The following DDX10 variants were observed in gnomAD, a reference collection of about 807,000 sequenced individuals.
DDX10 encodes probable ATP-dependent RNA helicase DDX10.
DDX10 carries 74 observed loss-of-function variants against 104.3 expected under a neutral mutation model. The ratio of observed to expected loss-of-function variants is 0.71; its 90% CI spans 0.59 to 0.86. The LOEUF is 0.86. Among genes scored for constraint, DDX10 ranks in the 40% least tolerant of loss-of-function variants. The pLI, the probability that DDX10 is intolerant of heterozygous loss-of-function variation, is 0.00. For missense variants in DDX10, 952 were observed against 1,040.0 expected (o/e 0.92, Z 1.16); for synonymous variants, 351 against 353.4 (o/e 0.99, Z 0.08).
intron 17 of DDX10, among the ~76,000 whole-genome samples, chr11:108,936,185 A>T (rs1185098279): frequency 1.3e-5 from 2 of 151,866 alleles, no homozygotes; most frequent in East Asian, 3.9e-4. Context: ...TAGCATACCT[A>T]CTCTGTCATC....
intron 16 of DDX10, among the ~76,000 whole-genome samples, chr11:108,856,908 T>G (rs1396633176): frequency 1.3e-5 from 2 of 151,582 alleles, no homozygotes; most frequent in Non-Finnish European, 2.9e-5. Context: ...GGGTTCCATT[T>G]AGTCCTCATC....
At chr11:108,829,691 A>G (rs1862442893) in intron 13 of DDX10, among the ~76,000 whole-genome samples, 1 of 152,168 alleles carries the variant, frequency 6.6e-6, no homozygotes, top group Admixed American at 6.5e-5. Flanking sequence ...TTCCGATGTT[A>G]TCTTCTAGAA....
intron 16 of DDX10, among the ~76,000 whole-genome samples, chr11:108,888,241 TA>T: frequency 6.6e-6 from 1 of 152,284 alleles, no homozygotes; most frequent in Non-Finnish European, 1.5e-5. Flanking sequence ...AATGTCAAAT[TA>T]AATTTGAATA....
chr11:108,893,752 T>C (rs1863405724), intron 16 of DDX10, among the ~76,000 whole-genome samples: 1 of 152,070 alleles, frequency 6.6e-6, no homozygotes, highest in Non-Finnish European at 1.5e-5. Flanking sequence ...GAAATTCTTT[T>C]TGTCAGTCCC....
intron 13 of DDX10, among the ~76,000 whole-genome samples, chr11:108,747,091 G>A (rs1233559713): frequency 6.6e-6 from 1 of 152,100 alleles, no homozygotes; most frequent in Non-Finnish European, 1.5e-5. Context: ...TGTATGTAAA[G>A]GGGTCTGAAC....
chr11:108,851,847 C>G (rs574903088), intron 15 of DDX10, among the ~76,000 whole-genome samples: 21 of 152,094 alleles, frequency 1.4e-4, no homozygotes, highest in Admixed American at 2.6e-4. Context: ...TAGAATGTGT[C>G]TCTTGTATAA....
At chr11:108,929,832 A>G (rs1201123536) in intron 17 of DDX10, 1 of 152,178 alleles carries the variant, frequency 6.6e-6, no homozygotes, top group East Asian at 1.9e-4. Context: ...ACTCTTTTAA[A>G]CTATACATCT....
chr11:108,738,857 A>C (rs761137226), intron 13 of DDX10, among the ~76,000 whole-genome samples: 3 of 152,094 alleles, frequency 2.0e-5, no homozygotes, highest in Admixed American at 2.0e-4. Flanking sequence ...ATGAGCTTGA[A>C]GTTTGCATTG....
chr11:108,933,486 A>G (rs917852340), intron 17 of DDX10, among the ~76,000 whole-genome samples: 13 of 152,216 alleles, frequency 8.5e-5, no homozygotes, highest in African/African-American at 2.7e-4. Context: ...TTTTAAAAGG[A>G]TAATAGTTAG....
At chr11:108,760,890 T>A (rs963483376) in intron 13 of DDX10, among the ~76,000 whole-genome samples, 1 of 152,026 alleles carries the variant, frequency 6.6e-6, no homozygotes, top group African/African-American at 2.4e-5. Flanking sequence ...TTGGCAGGGC[T>A]GTTCACTTAA....
chr11:108,788,034 C>A (rs1389644973), intron 13 of DDX10, among the ~76,000 whole-genome samples: 5 of 152,192 alleles, frequency 3.3e-5, no homozygotes, highest in Non-Finnish European at 1.5e-5. Context: ...TTTCAAGCTT[C>A]TGGATTGTTT....
At position 108,715,933 on chromosome 11, in the gene DDX10, T is replaced by C. The variant is rs752622429; in HGVS notation, c.1377T>C (p.Ala459=). The C allele has an allele frequency of 6.4e-7, 1 of 1,564,910 alleles. No homozygotes were observed. The highest frequency in any genetic ancestry group is 1.1e-5 in the South Asian group (1 of 88,858). Reference sequence around the variant, plus strand: ...AGAAAAAATTGGAATCTATTTTAGCTCAAGATCAAGATTTAAAAGAAAGAG... The same window carrying C: ...AGAAAAAATTGGAATCTATTTTAGCCCAAGATCAAGATTTAAAAGAAAGAG... ...DVQKKLESIL[A]QDQDLKERAQ... The change falls in exon 11 of 18, where the codon GCT becomes GCC. Residue 459 remains alanine (A), a synonymous_variant. Transcript: ENST00000322536.
chr11:108,694,900 A>G (rs977768018), intron 9 of DDX10, among the ~76,000 whole-genome samples: 5 of 152,062 alleles, frequency 3.3e-5, no homozygotes, highest in Non-Finnish European at 7.4e-5. Flanking sequence ...AAAACAAAAC[A>G]AATAAAAAAA....
intron 16 of DDX10, among the ~76,000 whole-genome samples, chr11:108,906,270 A>G (rs1863595636): frequency 6.6e-6 from 1 of 152,164 alleles, no homozygotes; most frequent in Non-Finnish European, 1.5e-5. Context: ...ATAATATTTT[A>G]TATTTTTCTA....
intron 16 of DDX10, among the ~76,000 whole-genome samples, chr11:108,867,594 C>T (rs1300486061): frequency 6.6e-6 from 1 of 152,196 alleles, no homozygotes; most frequent in Non-Finnish European, 1.5e-5. Flanking sequence ...TACATTCATT[C>T]TGCCTCTGAG....
intron 17 of DDX10, among the ~76,000 whole-genome samples, chr11:108,932,640 T>G (rs1297403122): frequency 6.6e-6 from 1 of 152,020 alleles, no homozygotes; most frequent in African/African-American, 2.4e-5. Context: ...AGTGGCTTCA[T>G]ATAATCTTCA....
intron 10 of DDX10, among the ~76,000 whole-genome samples, chr11:108,714,474 G>A (rs948344178): frequency 6.6e-6 from 1 of 151,330 alleles, no homozygotes; most frequent in Non-Finnish European, 1.5e-5. Context: ...TGTTATGATG[G>A]AGTGATGACT....
intron 9 of DDX10, among the ~76,000 whole-genome samples, chr11:108,700,864 C>CTT (rs970374538): frequency 2.1e-5 from 3 of 143,978 alleles, no homozygotes; most frequent in African/African-American, 7.6e-5. Flanking sequence ...TACAATTTAC[C>CTT]TTTTTTTTTT....
At chr11:108,854,570 A>G (rs1378184173) in intron 16 of DDX10, among the ~76,000 whole-genome samples, 1 of 152,218 alleles carries the variant, frequency 6.6e-6, no homozygotes, top group Non-Finnish European at 1.5e-5. Flanking sequence ...TTACCAGGAA[A>G]TGTAGTCATA....
Sources: gnomAD v4.1 joint callset for allele counts (sites outside exome capture counted in the v4.1 genomes callset) on GRCh38, gnomAD v4.1.1 for gene constraint, MANE v1.5 for transcripts, NCBI Gene and HGNC (gene_info 2026-07-23, HGNC 2026-07-21) for gene names.